The following ZNF638 variants were observed in gnomAD, a reference collection of about 807,000 sequenced individuals.
The protein encoded by ZNF638 is CTCL tumor antigen se33-1.
A neutral mutation model predicts 195.6 loss-of-function variants in ZNF638; 46 were observed. That is an observed-to-expected ratio of 0.24 (90% CI 0.19 to 0.30). The LOEUF is 0.30. Among genes scored for constraint, ZNF638 ranks in the 10% least tolerant of loss-of-function variants. The pLI is 1.00. For missense variants in ZNF638, 2,440 were observed against 2,325.3 expected (o/e 1.05, Z -1.01); for synonymous variants, 845 against 772.0 (o/e 1.09, Z -1.57).
In ZNF638 at chr2:71,431,366, G is replaced by A. The variant is rs753505658; in HGVS notation, c.5690G>A (p.Arg1897Gln). 1.1e-5 allele frequency: 18 copies of A among 1,613,902 alleles called. No homozygotes were observed. The highest frequency in any genetic ancestry group is 1.7e-5 in the Admixed American group (1 of 59,990). Residue 1897 changes from arginine to glutamine, a missense_variant, in exon 26 of 28, where the codon CGA becomes CAA. By Grantham distance (43) the Arg-to-Gln change is conservative (BLOSUM62 1). Coordinates refer to ENST00000264447, the MANE Select transcript of ZNF638 (RefSeq NM_014497.5). ...ESGLKDSEPERKRKKTEDSSS... is the reference protein window; with the variant it reads ...ESGLKDSEPEQKRKKTEDSSS... ...GGATTAAAGGATTCAGAACCAGAGC[G>A]AAAACGCAAGAAGACTGAAGACTCT... is the stretch of plus-strand genomic sequence containing the variant.
Position 71,395,725 on chromosome 2 carries a change from G to C in ZNF638, c.2378-416G>C, listed in dbSNP as rs920506138. ...TTCTCTCTTTGGTGTCTCTAAGGCC[G>C]AACAGTCCCCTAGCCGCACTCATGC... On this transcript the variant is annotated intron_variant, in intron 10 of 27. Transcript: ENST00000264447. 9.8e-6 allele frequency: 4 copies of C among 406,138 alleles called. No individual in the cohort carries two copies. In the Admixed American group the frequency reaches 1.1e-4, roughly 11 times the overall value. The allele number at this position is 406,138 out of a possible 1,614,324, so 25.2% of individuals were successfully genotyped here.
intron 1 of ZNF638, among the ~76,000 whole-genome samples, chr2:71,335,329 A>G (rs1386309232): frequency 6.6e-6 from 1 of 152,124 alleles, no homozygotes; most frequent in Non-Finnish European, 1.5e-5. Context: ...GGTGTGAGCT[A>G]TTGCGCCCAG....
intron 20 of ZNF638, among the ~76,000 whole-genome samples, chr2:71,416,840 G>A (rs544247246): frequency 7.3e-6 from 1 of 137,308 alleles, no homozygotes. Flanking sequence ...CCCGTTCTCA[G>A]ATCTCCAGCT....
rs566266185 is a variant in ZNF638, at chr2:71,348,328, C to T, written c.-202-425C>T. 7 of 866,758 alleles carry T rather than the reference C, an allele frequency of 8.1e-6. No individual in the cohort carries two copies. The East Asian group carries it at 4.8e-4, about 60-fold the overall frequency. The allele number at this position is 866,758 out of a possible 1,614,324, so 53.7% of individuals were successfully genotyped here. Reference sequence around the variant, plus strand: ...GTTTTACAAAAATGGGTCTTTTAGGCTTACAGTTCTTACTTTCATTATTTG... The same window carrying T: ...GTTTTACAAAAATGGGTCTTTTAGGTTTACAGTTCTTACTTTCATTATTTG... On this transcript the variant is annotated intron_variant, in intron 1 of 27. Coordinates refer to ENST00000264447, the MANE Select transcript of ZNF638 (RefSeq NM_014497.5).
intron 1 of ZNF638, among the ~76,000 whole-genome samples, chr2:71,347,226 TAGAG>T (rs1446171990): frequency 2.0e-5 from 3 of 152,032 alleles, no homozygotes; most frequent in Non-Finnish European, 2.9e-5. Context: ...CTGATAAAAT[TAGAG>T]AGATTGGTTA....
At chr2:71,368,159 C>A (rs949398767) in intron 6 of ZNF638, among the ~76,000 whole-genome samples, 31 of 152,050 alleles carry the variant, frequency 2.0e-4, no homozygotes, top group Non-Finnish European at 3.8e-4. Context: ...ATATAAATAA[C>A]ATTTCTTACC....
chr2:71,355,671 C>A, intron 2 of ZNF638, 48 bp from the exon 3 acceptor site: 1 of 1,239,726 alleles, frequency 8.1e-7, no homozygotes, highest in Non-Finnish European at 1.1e-6. Flanking sequence ...ATTCATTAGT[C>A]AACATGAGGA....
intron 10 of ZNF638, among the ~76,000 whole-genome samples, chr2:71,385,206 A>G (rs566596975): frequency 6.6e-6 from 1 of 152,218 alleles, no homozygotes; most frequent in Non-Finnish European, 1.5e-5. Context: ...TAGTACAGCC[A>G]TTCTAGAAAA....
intron 1 of ZNF638, among the ~76,000 whole-genome samples, chr2:71,343,493 GTAAAAC>G (rs1244160840): frequency 2.0e-5 from 3 of 152,156 alleles, no homozygotes; most frequent in African/African-American, 7.2e-5. Context: ...CTGCCAATAA[GTAAAAC>G]AGAAACAACA....
At position 71,423,342 on chromosome 2, in the gene ZNF638, A is replaced by G. The variant is rs759826000; in HGVS notation, c.3828A>G (p.Pro1276=). 5.6e-6 allele frequency: 9 copies of G among 1,613,980 alleles called. No homozygotes were observed. The highest frequency in any genetic ancestry group is 1.1e-5 in the South Asian group (1 of 91,084). The change falls in exon 22 of 28, where the codon CCA becomes CCG. Residue 1276 remains proline, a synonymous_variant. Transcript: ENST00000264447. The stretch of plus-strand genomic sequence containing the variant: ...ATGAAACTGTTTCGGAAATATTGCC[A>G]TCAACTTGTATTGTGACGTTAGTAC... ...EKNETVSEIL[P]STCIVTLVPG...
At position 71,338,083 on chromosome 2, in the gene ZNF638, A is replaced by G. The variant is rs1415241194; in HGVS notation, c.-203+6208A>G. ...GATTTACCATTTCCATTTGCCCTTC[A>G]TGCATGATACTATGTGTGAGCATAT... is the stretch of plus-strand genomic sequence containing the variant. On this transcript the variant is annotated intron_variant, in intron 1 of 27. Transcript: ENST00000264447. Among the ~76,000 whole-genome samples the G allele has an allele frequency of 5.3e-5, 8 of 152,282 alleles. No homozygotes were observed. In the East Asian group the frequency reaches 1.4e-3, roughly 26 times the overall value.
chr2:71,358,186 G>A (rs1191097876), intron 3 of ZNF638, among the ~76,000 whole-genome samples: 1 of 152,192 alleles, frequency 6.6e-6, no homozygotes, highest in Non-Finnish European at 1.5e-5. Context: ...CCTGCTATTA[G>A]AAAGACACTG....
In ZNF638 at chr2:71,423,369, A is replaced by G. The variant is rs1316436437; in HGVS notation, c.3855A>G (p.Pro1285=). Residue 1285 remains proline, a synonymous_variant, in exon 22 of 28, where the codon CCA becomes CCG. Coordinates refer to ENST00000264447, the MANE Select transcript of ZNF638 (RefSeq NM_014497.5). ...CAACTTGTATTGTGACGTTAGTACC[A>G]GGAATTCCCACTGGGGATGAGAAGA... ...LPSTCIVTLV[P]GIPTGDEKTV... 6 of 1,613,878 alleles carry G rather than the reference A, an allele frequency of 3.7e-6. No individual in the cohort carries two copies. Among genetic ancestry groups the G allele is most frequent in the Non-Finnish European group, 4.2e-6 (5 of 1,180,010 alleles).
At chr2:71,400,730 G>C (rs10210436) in intron 15 of ZNF638, among the ~76,000 whole-genome samples, 1 of 152,122 alleles carries the variant, frequency 6.6e-6, no homozygotes, top group Non-Finnish European at 1.5e-5. Flanking sequence ...GTCACAAAAA[G>C]TAGGAACAGA....
At chr2:71,425,033 A>T (rs181587069) in intron 23 of ZNF638, among the ~76,000 whole-genome samples, 4 of 152,276 alleles carry the variant, frequency 2.6e-5, no homozygotes, top group African/African-American at 9.6e-5. Flanking sequence ...ACAGAAAAAA[A>T]ATTTATATAT....
At chr2:71,353,882 T>C (rs2078981542) in intron 2 of ZNF638, among the ~76,000 whole-genome samples, 2 of 152,244 alleles carry the variant, frequency 1.3e-5, no homozygotes, top group Admixed American at 1.3e-4. Context: ...CCAATTAATA[T>C]TAAAAATATG....
intron 2 of ZNF638, among the ~76,000 whole-genome samples, chr2:71,352,079 T>G (rs570486625): frequency 6.6e-6 from 1 of 152,326 alleles, no homozygotes; most frequent in South Asian, 2.1e-4. Flanking sequence ...TGTCAGTTAC[T>G]AAATGCACTA....
intron 21 of ZNF638, among the ~76,000 whole-genome samples, chr2:71,419,805 A>G (rs1328453928): frequency 1.3e-5 from 2 of 152,096 alleles, no homozygotes; most frequent in East Asian, 1.9e-4. Context: ...GTCTGCATGA[A>G]AAGTTGTTCT....
At position 71,423,969 on chromosome 2, in the gene ZNF638, T is replaced by G. The variant is rs2080482533; in HGVS notation, c.4455T>G (p.Asp1485Glu). 2 of 1,614,068 alleles carry G rather than the reference T, an allele frequency of 1.2e-6. No individual in the cohort carries two copies. Among genetic ancestry groups the G allele is most frequent in the Non-Finnish European group, 1.7e-6 (2 of 1,179,984 alleles). Residue 1485 changes from aspartate to glutamate, a missense_variant, in exon 22 of 28, where the codon GAT becomes GAG. Around this residue, in one of 5 missense-constraint regions of ZNF638, gnomAD observed 1,883 missense variants for 1,739.1 expected, o/e 1.08. Coordinates refer to ENST00000264447, the MANE Select transcript of ZNF638 (RefSeq NM_014497.5). ...QGKLSKLDYR[D>E]ITKQSQETEA... is the part of the protein sequence containing the mutation. ...AGCTTTCTAAACTGGATTACAGAGA[T>G]ATAACAAAACAATCTCAGGAAACAG...
Sources: allele counts gnomAD v4.1 joint callset (sites outside exome capture counted in the v4.1 genomes callset), GRCh38; gene constraint gnomAD v4.1.1; regional missense constraint gnomAD v4.1.1; transcripts MANE v1.5; gene names NCBI Gene and HGNC (gene_info 2026-07-23, HGNC 2026-07-21).